TSC22D1: variants seen among roughly 807,000 people sequenced by gnomAD.
TSC22D1 encodes the protein TSC22 domain family protein 1.
In TSC22D1, 9 loss-of-function variants were observed where a neutral mutation model predicts 74.2. That is an observed-to-expected ratio of 0.12 (90% CI 0.07 to 0.21). The LOEUF (loss-of-function observed/expected upper bound fraction) is 0.21. TSC22D1 is among the 10% of genes least tolerant of loss of function. The pLI, the probability that TSC22D1 is intolerant of heterozygous loss-of-function variation, is 1.00. For missense variants in TSC22D1, 1,427 were observed against 1,304.7 expected (o/e 1.09, Z -1.44); for synonymous variants, 586 against 492.5 (o/e 1.19, Z -2.51).
At chr13:44,568,810 G>C (rs544012962) in intron 1 of TSC22D1, among the ~76,000 whole-genome samples, 1 of 152,164 alleles carries the variant, frequency 6.6e-6, no homozygotes, top group South Asian at 2.1e-4. Flanking sequence ...AACAGACAGC[G>C]CTGACAGATG....
At chr13:44,572,693 G>C (rs1040132537) in intron 1 of TSC22D1, among the ~76,000 whole-genome samples, 1 of 152,160 alleles carries the variant, frequency 6.6e-6, no homozygotes, top group Admixed American at 6.5e-5. Flanking sequence ...ATCTGACTAG[G>C]AAAAGTAGGC....
chr13:44,443,722 T>G (rs374281465), intron 1 of TSC22D1, among the ~76,000 whole-genome samples: 1 of 152,052 alleles, frequency 6.6e-6, no homozygotes, highest in African/African-American at 2.4e-5. Context: ...AAAATAACAA[T>G]GTACTGGAAT....
intron 1 of TSC22D1, among the ~76,000 whole-genome samples, chr13:44,567,252 A>T (rs1472278791): frequency 6.6e-6 from 1 of 152,196 alleles, no homozygotes; most frequent in Admixed American, 6.5e-5. Flanking sequence ...TCTTATAGGG[A>T]TCTAACCAGC....
Position 44,567,391 on chromosome 13 carries a change from T to C in TSC22D1, c.2912+5772A>G, listed in dbSNP as rs1226295751. 3.9e-5 allele frequency among the ~76,000 whole-genome samples: 6 copies of C among 152,154 alleles called. No individual in the cohort carries two copies. In the East Asian group the frequency reaches 1.2e-3, roughly 29 times the overall value. ...ATTTCTAATTAGCATTTTAATTCCT[T>C]ACTCTTACACATGACTACCAACTAT... On this transcript the variant is annotated intron_variant, in intron 1 of 2. Coordinates refer to ENST00000458659, the MANE Select transcript of TSC22D1 (RefSeq NM_183422.4).
chr13:44,502,100 G>A (rs1879247861), intron 1 of TSC22D1, among the ~76,000 whole-genome samples: 1 of 152,006 alleles, frequency 6.6e-6, no homozygotes, highest in Admixed American at 6.5e-5. Context: ...CAATATATTT[G>A]TAAATTTTGA....
chr13:44,565,476 G>T (rs757984942), intron 1 of TSC22D1, among the ~76,000 whole-genome samples: 1 of 152,040 alleles, frequency 6.6e-6, no homozygotes, highest in African/African-American at 2.4e-5. Flanking sequence ...GAATATATGT[G>T]AGACTAGGAA....
intron 1 of TSC22D1, among the ~76,000 whole-genome samples, chr13:44,490,352 T>C (rs1878641233): frequency 6.6e-6 from 1 of 151,256 alleles, no homozygotes; most frequent in South Asian, 2.1e-4. Flanking sequence ...TTTGAGAGAA[T>C]GCTAAGTTTT....
Position 44,549,799 on chromosome 13 carries a change from A to AGGC in TSC22D1, c.2912+23361_2912+23363dup, listed in dbSNP as rs77192258. On this transcript the variant is annotated intron_variant, in intron 1 of 2. Coordinates refer to ENST00000458659, the MANE Select transcript of TSC22D1 (RefSeq NM_183422.4). ...AAGAAAAAAAAAAAAAAAAAGAAGA[A>AGGC]GGCGGCGGCGGCAAGAACAGCAAGC... Among the ~76,000 whole-genome samples the AGGC allele has an allele frequency of 2.6e-3, 392 of 149,872 alleles. 2 individuals carry two copies. The highest frequency in any genetic ancestry group is 9.4e-3 in the African/African-American group (381 of 40,682).
At chr13:44,457,068 C>T (rs1203399483) in intron 1 of TSC22D1, among the ~76,000 whole-genome samples, 1 of 152,170 alleles carries the variant, frequency 6.6e-6, no homozygotes, top group African/African-American at 2.4e-5. Context: ...CAATTTGTTC[C>T]AACACAATTC....
At position 44,574,730 on chromosome 13, in the gene TSC22D1, C is replaced by G; in HGVS notation, c.1345G>C (p.Glu449Gln). Residue 449 changes from glutamate (E) to glutamine (Q), a missense_variant, in exon 1 of 3, where the codon GAG (glutamate) becomes CAG (glutamine). Coordinates refer to ENST00000458659, the MANE Select transcript of TSC22D1 (RefSeq NM_183422.4). ...TCTATCGGATTTTGCTTTACAGTCT[C>G]CACCACTTTATTTATCAGCACACCT... ...TEGVLINKVVETVKQNPIEVT... is the reference protein window; with the variant it reads ...TEGVLINKVVQTVKQNPIEVT... The G allele has an allele frequency of 1.3e-6, 2 of 1,568,650 alleles. No individual in the cohort carries two copies. The highest frequency in any genetic ancestry group is 1.1e-5 in the South Asian group (1 of 90,758).
At chr13:44,480,018 A>G (rs1332881549) in intron 1 of TSC22D1, among the ~76,000 whole-genome samples, 1 of 152,230 alleles carries the variant, frequency 6.6e-6, no homozygotes, top group Non-Finnish European at 1.5e-5. Context: ...TTAAGCCACC[A>G]TTTGAGAGCA....
chr13:44,462,298 C>T (rs1019993823), intron 1 of TSC22D1, among the ~76,000 whole-genome samples: 2 of 152,176 alleles, frequency 1.3e-5, no homozygotes, highest in African/African-American at 2.4e-5. Flanking sequence ...TAACATCAAA[C>T]ATCTATTTTA....
chr13:44,526,867 A>C (rs1035597190), intron 1 of TSC22D1, among the ~76,000 whole-genome samples: 1 of 152,006 alleles, frequency 6.6e-6, no homozygotes, highest in African/African-American at 2.4e-5. Context: ...GATAAATACC[A>C]AAAATCTACA....
intron 1 of TSC22D1, chr13:44,540,166 C>T: frequency 3.8e-6 from 1 of 264,982 alleles, no homozygotes; most frequent in Non-Finnish European, 7.6e-6. Context: ...TGTGATAAAC[C>T]ACTCAACTCT....
chr13:44,551,717 G>A (rs1027599750), intron 1 of TSC22D1, among the ~76,000 whole-genome samples: 4 of 152,022 alleles, frequency 2.6e-5, no homozygotes, highest in African/African-American at 9.7e-5. Flanking sequence ...CATCGTGCCC[G>A]GCCGCCATCA....
rs1257746240 is a variant in TSC22D1, at chr13:44,556,535, C to T, written c.2912+16628G>A. Among the ~76,000 whole-genome samples, 9 of 148,350 alleles carry T rather than the reference C, an allele frequency of 6.1e-5. No individual in the cohort carries two copies. In the East Asian group the frequency reaches 8.0e-4, roughly 13 times the overall value. On this transcript the variant is annotated intron_variant, in intron 1 of 2. Transcript: ENST00000458659. The stretch of plus-strand genomic sequence containing the variant: ...CACTCCAGTCTGGGTGAGAATGAGA[C>T]GCCATCTCAAAAAAAAAAAAAAATC...
rs1884199747 is a variant in TSC22D1 at position 44,575,909 on chromosome 13, C to T, written c.166G>A (p.Glu56Lys). The T allele has an allele frequency of 6.2e-7, 1 of 1,613,872 alleles. No individual in the cohort carries two copies. Among genetic ancestry groups the T allele is most frequent in the Non-Finnish European group, 8.5e-7 (1 of 1,179,966 alleles). The change falls in exon 1 of 3, where the codon GAG becomes AAG. Residue 56 changes from glutamate (E) to lysine (K), a missense_variant. Glu to Lys is a moderately conservative substitution (Grantham distance 56). This residue lies in a region of TSC22D1 where 1,343 missense variants were observed against 1,191.5 expected (regional missense o/e 1.13). Coordinates refer to ENST00000458659, the MANE Select transcript of TSC22D1 (RefSeq NM_183422.4). The part of the protein sequence containing the change: ...TGVGSNATSS[E>K]DFPPPSLLQP... ...AGCAGCGACGGAGGCGGAAAATCCT[C>T]GGAAGATGTGGCATTACTACCGACG...
At position 44,575,881 on chromosome 13, in the gene TSC22D1, T is replaced by G; in HGVS notation, c.194A>C (p.Gln65Pro). 1 of 1,613,906 alleles carries G rather than the reference T, an allele frequency of 6.2e-7. No homozygotes were observed. Residue 65 changes from glutamine (Q) to proline (P), a missense_variant, in exon 1 of 3, where the codon CAG becomes CCG. Physicochemically the swap from Gln to Pro is moderately conservative, Grantham distance 76. Transcript: ENST00000458659. ...SEDFPPPSLL[Q>P]PPPPAASSTS... is the part of the protein sequence containing the mutation. The stretch of plus-strand genomic sequence containing the variant: ...AGAAGATGCTGCAGGGGGCGGCGGC[T>G]GAAGCAGCGACGGAGGCGGAAAATC...
intron 1 of TSC22D1, among the ~76,000 whole-genome samples, chr13:44,542,693 T>C (rs1881549873): frequency 2.0e-5 from 3 of 152,226 alleles, no homozygotes; most frequent in South Asian, 4.1e-4. Flanking sequence ...TTGAAATCAC[T>C]GAGGAGAGCT....
Sources: allele counts gnomAD v4.1 joint callset (sites outside exome capture counted in the v4.1 genomes callset), GRCh38; gene constraint gnomAD v4.1.1; regional missense constraint gnomAD v4.1.1; transcripts MANE v1.5; gene names NCBI Gene and HGNC (gene_info 2026-07-23, HGNC 2026-07-21).